Variants in BAHCC1 observed in about 807,000 individuals in gnomAD.
BAHCC1 encodes BAH and coiled-coil domain-containing protein 1.
In BAHCC1, 43 loss-of-function variants were observed where a neutral mutation model predicts 88.2. That is an observed-to-expected ratio of 0.49 (90% CI 0.38 to 0.63). The LOEUF (loss-of-function observed/expected upper bound fraction) is 0.63, where lower values mean the gene tolerates loss of function less well. Among genes scored for constraint, BAHCC1 ranks in the 20% least tolerant of loss-of-function variants. The pLI, the probability that BAHCC1 is intolerant of heterozygous loss-of-function variation, is 0.00. For missense variants in BAHCC1, 3,023 were observed against 1,654.8 expected, an observed-to-expected ratio of 1.83 and a Z score of -14.34; for synonymous variants, 1,510 against 745.5, an observed-to-expected ratio of 2.03 and a Z score of -16.71.
rs2064462507 is a variant in BAHCC1 at position 81,443,445 on chromosome 17, G to C, written c.2096G>C (p.Arg699Pro). ...ACCACGCACGGCGACGGGGAGGTGC[G>C]GCAGCCCCCTGTGGGCATTGCAGTG... is the stretch of plus-strand genomic sequence containing the variant. ...HDTTHGDGEVRQPPVGIAVAL... is the reference protein window; with the variant it reads ...HDTTHGDGEVPQPPVGIAVAL... Residue 699 changes from arginine (R) to proline (P), a missense_variant, in exon 5 of 28, where the codon CGG (arginine) becomes CCG (proline). By Grantham distance (103) the Arg-to-Pro change is moderately radical. Transcript: ENST00000675386. The C allele has an allele frequency of 1.3e-6, 1 of 745,564 alleles. No individual in the cohort carries two copies. Among genetic ancestry groups the C allele is most frequent in the Non-Finnish European group, 2.5e-6 (1 of 401,502 alleles). The allele number at this position is 745,564 out of a possible 1,614,324, so 46.2% of individuals were successfully genotyped here. A position where few individuals can be genotyped will look rare whatever the true frequency, so the allele number is the denominator to read the frequency against.
intron 2 of BAHCC1, among the ~76,000 whole-genome samples, chr17:81,426,281 G>C (rs1463619566): frequency 4.1e-5 from 6 of 145,118 alleles, no homozygotes; most frequent in African/African-American, 1.3e-4. Flanking sequence ...GGTTGGGGGT[G>C]ATTGTGGTGG....
chr17:81,398,370 G>A (rs528021874), intron 1 of BAHCC1, among the ~76,000 whole-genome samples: 10 of 152,180 alleles, frequency 6.6e-5, no homozygotes, highest in African/African-American at 1.2e-4. Flanking sequence ...GGAGGTGAGG[G>A]TTATTTTAGG....
intron 2 of BAHCC1, among the ~76,000 whole-genome samples, chr17:81,408,081 C>T (rs1488545322): frequency 6.6e-6 from 1 of 152,234 alleles, no homozygotes; most frequent in Non-Finnish European, 1.5e-5. Context: ...CTTCCCCGGC[C>T]CCCTTCCTCC....
chr17:81,444,487 C>A lies in BAHCC1; in HGVS notation c.2431C>A (p.Pro811Thr), dbSNP rs782748795. 8.5e-6 allele frequency: 6 copies of A among 708,926 alleles called. No individual in the cohort carries two copies. The East Asian group carries it at 1.6e-4, about 19-fold the overall frequency. The allele number at this position is 708,926 out of a possible 1,614,324, so 43.9% of individuals were successfully genotyped here. ...GCAGAGCGGCCAGCTGGGCGGGGAC[C>A]CAGCCCCCCACACCCACCCCCATCC... is the stretch of plus-strand genomic sequence containing the variant. The part of the protein sequence containing the change: ...MMQSGQLGGD[P>T]APHTHPHPPW... The change falls in exon 7 of 28, where the codon CCA becomes ACA. Residue 811 changes from proline (P) to threonine (T), a missense_variant. Physicochemically the swap from Pro to Thr is conservative, Grantham distance 38. Coordinates refer to ENST00000675386, the MANE Select transcript of BAHCC1 (RefSeq NM_001377448.1).
intron 2 of BAHCC1, chr17:81,407,347 A>T (rs1555647080): frequency 1.9e-6 from 1 of 519,916 alleles, no homozygotes; most frequent in Non-Finnish European, 3.8e-6. Flanking sequence ...TAAGAAAGAA[A>T]CCAGCCTGCT....
At chr17:81,415,071 G>A (rs1555648407) in intron 2 of BAHCC1, among the ~76,000 whole-genome samples, 3 of 98,102 alleles carry the variant, frequency 3.1e-5, no homozygotes, top group African/African-American at 8.2e-5. Flanking sequence ...TTCCCGCCCC[G>A]GCCCCTCTTC....
intron 1 of BAHCC1, among the ~76,000 whole-genome samples, chr17:81,398,325 T>C (rs1051823397): frequency 3.3e-5 from 5 of 152,122 alleles, no homozygotes; most frequent in African/African-American, 9.7e-5. Flanking sequence ...TTCGCCTGAG[T>C]GGATGCTCCG....
In BAHCC1 at chr17:81,458,978, G is replaced by A. The variant is rs368464114; in HGVS notation, c.5605+9G>A. On this transcript the variant is annotated intron_variant, in intron 20 of 27. Coordinates refer to ENST00000675386, the MANE Select transcript of BAHCC1 (RefSeq NM_001377448.1). ...GCAGAGCGCCGCCCTAGGTGAGCAG[G>A]GCCAGGAAGGGTGCCAGCCGCCTGG... 4.6e-5 allele frequency: 33 copies of A among 722,486 alleles called. 1 individual carries two copies. Among genetic ancestry groups the A allele is most frequent in the African/African-American group, 4.0e-4 (23 of 56,822 alleles). The allele number at this position is 722,486 out of a possible 1,614,324, so 44.8% of individuals were successfully genotyped here.
intron 2 of BAHCC1, among the ~76,000 whole-genome samples, chr17:81,404,838 TTCTC>T (rs1327101330): frequency 1.3e-5 from 2 of 152,086 alleles, no homozygotes; most frequent in Non-Finnish European, 2.9e-5. Flanking sequence ...TTTGTTCTCC[TTCTC>T]TCTGTGTGTC....
At chr17:81,443,635 C>G in intron 5 of BAHCC1, 71 bp downstream of exon 5, 1 of 622,318 alleles carries the variant, frequency 1.6e-6, no homozygotes, top group Admixed American at 2.6e-5. Flanking sequence ...TGCCCTGCGC[C>G]CCGGCTCCCC....
In BAHCC1 at chr17:81,460,915, C is replaced by T. The variant is rs200238472; in HGVS notation, c.6252C>T (p.Ser2084=). The change falls in exon 26 of 28, where the codon TCC becomes TCT. Residue 2084 remains serine (S), a synonymous_variant. Coordinates refer to ENST00000675386, the MANE Select transcript of BAHCC1 (RefSeq NM_001377448.1). ...GTGCCAAATCCCCCACGGGGGCCTC[C>T]GACCACTTCCTGGGCCGCCGTGGCA... ...TSGAKSPTGA[S]DHFLGRRGSP... 1.3e-4 allele frequency: 99 copies of T among 768,362 alleles called. No individual in the cohort carries two copies. Among genetic ancestry groups the T allele is most frequent in the Middle Eastern group, 2.3e-4 (1 of 4,438 alleles). 47.6% of individuals were successfully genotyped at this position (768,362 alleles called of 1,614,324 possible). A position where few individuals can be genotyped will look rare whatever the true frequency, so the allele number is the denominator to read the frequency against.
rs781976000 is a variant in BAHCC1, at chr17:81,444,451, C to T, written c.2395C>T (p.His799Tyr). Residue 799 changes from histidine (H) to tyrosine (Y), a missense_variant, in exon 7 of 28, where the codon CAC (histidine) becomes TAC (tyrosine). Transcript: ENST00000675386. ...CAGCTGCCCTGGGGACCTGGCCCCC[C>T]ACCTCATGATGCAGAGCGGCCAGCT... is the stretch of plus-strand genomic sequence containing the variant. ...PSSCPGDLAP[H>Y]LMMQSGQLGG... 42 of 740,654 alleles carry T rather than the reference C, an allele frequency of 5.7e-5. No homozygotes were observed. The highest frequency in any genetic ancestry group is 1.3e-5 in the Non-Finnish European group (5 of 399,760). The allele number at this position is 740,654 out of a possible 1,614,324, so 45.9% of individuals were successfully genotyped here. A position where few individuals can be genotyped will look rare whatever the true frequency, so the allele number is the denominator to read the frequency against.
chr17:81,458,998 G>A (rs1434071473), intron 20 of BAHCC1, 29 bp downstream of exon 20: 8 of 716,796 alleles, frequency 1.1e-5, no homozygotes, highest in Admixed American at 5.8e-5. Context: ...GGTGCCAGCC[G>A]CCTGGGGAGG....
chr17:81,454,508 CAG>C lies in BAHCC1; in HGVS notation c.4446-758_4446-757del, dbSNP rs57212510. Among the ~76,000 whole-genome samples the C allele has an allele frequency of 6.0e-3, 919 of 152,256 alleles. 8 individuals are homozygous for C. The highest frequency in any genetic ancestry group is 0.02 in the African/African-American group (838 of 41,536). On this transcript the variant is annotated intron_variant, in intron 14 of 27. Transcript: ENST00000675386. ...CCCGGCAACGGGGTCCCTGGGGACTCAGGGGAAAGCCCAGGCTTCTCTGGACA... is the reference window on the plus strand; with the variant it reads ...CCCGGCAACGGGGTCCCTGGGGACTCGGGAAAGCCCAGGCTTCTCTGGACA...
chr17:81,412,703 G>GCT (rs1331881524), intron 2 of BAHCC1, among the ~76,000 whole-genome samples: 2 of 152,238 alleles, frequency 1.3e-5, no homozygotes, highest in Non-Finnish European at 2.9e-5. Context: ...CCACCCTGTG[G>GCT]CTCTGTCTCT....
intron 2 of BAHCC1, among the ~76,000 whole-genome samples, chr17:81,417,275 G>A (rs559863507): frequency 3.3e-5 from 5 of 152,148 alleles, no homozygotes; most frequent in Non-Finnish European, 5.9e-5. Flanking sequence ...GGGGGGCGGC[G>A]CCGAGGGAGT....
intron 11 of BAHCC1, among the ~76,000 whole-genome samples, chr17:81,448,661 T>C (rs1007411040): frequency 4.1e-4 from 63 of 152,010 alleles, no homozygotes; most frequent in African/African-American, 1.4e-3. Context: ...ACCACCGCGA[T>C]GAAGAGAATG....
intron 2 of BAHCC1, among the ~76,000 whole-genome samples, chr17:81,416,775 C>T (rs1454115443): frequency 6.6e-6 from 1 of 152,226 alleles, no homozygotes; most frequent in East Asian, 1.9e-4. Flanking sequence ...TCATTGACGT[C>T]GCCTGTTTGG....
intron 3 of BAHCC1, among the ~76,000 whole-genome samples, chr17:81,429,817 C>T (rs962861095): frequency 6.6e-6 from 1 of 152,180 alleles, no homozygotes; most frequent in Admixed American, 6.5e-5. Context: ...CCACCAGGAA[C>T]CCAGGTTGGG....
Sources: gnomAD v4.1 joint callset for allele counts (sites outside exome capture counted in the v4.1 genomes callset) on GRCh38, gnomAD v4.1.1 for gene constraint, MANE v1.5 for transcripts, NCBI Gene and HGNC (gene_info 2026-07-23, HGNC 2026-07-21) for gene names.